Variants in KLHL1 observed in about 807,000 individuals in gnomAD.
The protein encoded by KLHL1 is kelch-like protein 1.
Under a neutral mutation model 77.7 loss-of-function variants are expected in KLHL1, and 47 were observed. That is an observed-to-expected ratio of 0.60 (90% CI 0.48 to 0.77). The LOEUF is 0.77. Ranked by LOEUF, KLHL1 falls within the 30% of genes least tolerant of loss-of-function variation. KLHL1 has a pLI of 0.00. For missense variants in KLHL1, 925 were observed against 910.8 expected (o/e 1.02, Z -0.20); for synonymous variants, 360 against 325.2 (o/e 1.11, Z -1.15).
intron 4 of KLHL1, among the ~76,000 whole-genome samples, chr13:69,901,567 G>A (rs1367616760): frequency 6.6e-6 from 1 of 152,106 alleles, no homozygotes; most frequent in Non-Finnish European, 1.5e-5. Context: ...AATGGGTTTA[G>A]GGACAAGAGT....
chr13:69,914,374 A>G (rs942123251), intron 4 of KLHL1, among the ~76,000 whole-genome samples: 2 of 152,158 alleles, frequency 1.3e-5, no homozygotes, highest in Non-Finnish European at 2.9e-5. Context: ...AGTGATTTCC[A>G]TGGATCCATT....
chr13:69,722,478 A>G (rs1873110372), intron 8 of KLHL1, among the ~76,000 whole-genome samples: 2 of 151,980 alleles, frequency 1.3e-5, no homozygotes, highest in Admixed American at 6.6e-5. Flanking sequence ...GTCTGTTCAG[A>G]TTTTGGATAT....
intron 1 of KLHL1, among the ~76,000 whole-genome samples, chr13:70,051,867 T>C (rs545217331): frequency 1.4e-3 from 212 of 152,124 alleles, no homozygotes; most frequent in Non-Finnish European, 2.3e-3. Flanking sequence ...TTTGTTTTGT[T>C]GTGGACTACA....
chr13:69,743,045 C>CACCA (rs931027850), intron 7 of KLHL1, among the ~76,000 whole-genome samples: 1 of 152,108 alleles, frequency 6.6e-6, no homozygotes, highest in Non-Finnish European at 1.5e-5. Context: ...TTTTACTGAG[C>CACCA]ACCAATTAGA....
chr13:70,055,580 A>G (rs1368277122), intron 1 of KLHL1, among the ~76,000 whole-genome samples: 2 of 152,152 alleles, frequency 1.3e-5, no homozygotes, highest in Non-Finnish European at 2.9e-5. Flanking sequence ...GTAAAAGACA[A>G]ACCTATAAAA....
chr13:69,784,801 C>T (rs1340411016), intron 7 of KLHL1, among the ~76,000 whole-genome samples: 1 of 151,192 alleles, frequency 6.6e-6, no homozygotes, highest in Admixed American at 6.6e-5. Flanking sequence ...ACAAGGATAC[C>T]CAGGAATTGA....
chr13:69,895,642 G>A (rs1240360950), intron 4 of KLHL1, among the ~76,000 whole-genome samples: 1 of 151,768 alleles, frequency 6.6e-6, no homozygotes. Flanking sequence ...TTCGCCAAGT[G>A]AAAATCAAGA....
In KLHL1 at chr13:69,781,359, T is replaced by A. The variant is rs796282851; in HGVS notation, c.1639+15379A>T. Among the ~76,000 whole-genome samples the A allele has an allele frequency of 6.0e-5, 9 of 149,556 alleles. No individual in the cohort carries two copies. The East Asian group carries it at 1.8e-3, about 29-fold the overall frequency. On this transcript the variant is annotated intron_variant, in intron 7 of 10. Coordinates refer to ENST00000377844, the MANE Select transcript of KLHL1 (RefSeq NM_020866.3). ...TTTGAGGTTCATGTTCTTGCTAAGA[T>A]TGGCAGAACCCACAATGCATGAAAA... is the stretch of plus-strand genomic sequence containing the variant.
chr13:69,884,136 T>C (rs1308468753), intron 4 of KLHL1, among the ~76,000 whole-genome samples: 1 of 152,222 alleles, frequency 6.6e-6, no homozygotes, highest in East Asian at 1.9e-4. Context: ...TGTTACAGTA[T>C]GTCCTTGGAA....
chr13:69,980,894 A>G (rs1247985167), intron 1 of KLHL1, among the ~76,000 whole-genome samples: 5 of 152,156 alleles, frequency 3.3e-5, no homozygotes, highest in Non-Finnish European at 5.9e-5. Context: ...AATATATTCT[A>G]TGACAAGATG....
intron 1 of KLHL1, among the ~76,000 whole-genome samples, chr13:70,003,232 C>T (rs1364806627): frequency 1.3e-5 from 2 of 151,618 alleles, no homozygotes; most frequent in Non-Finnish European, 3.0e-5. Context: ...AAATCATATT[C>T]AAGCTTTTCC....
At chr13:69,952,671 G>A (rs1308215835) in intron 3 of KLHL1, among the ~76,000 whole-genome samples, 1 of 151,378 alleles carries the variant, frequency 6.6e-6, no homozygotes, top group Admixed American at 6.6e-5. Context: ...CAGCTAACAT[G>A]TGTTTTCCTG....
chr13:70,032,778 T>C (rs1886135639), intron 1 of KLHL1, among the ~76,000 whole-genome samples: 1 of 152,200 alleles, frequency 6.6e-6, no homozygotes, highest in Non-Finnish European at 1.5e-5. Flanking sequence ...CTGAATTCCA[T>C]GCAAAATCAT....
At chr13:69,872,824 AACTC>A (rs772932937) in intron 5 of KLHL1, among the ~76,000 whole-genome samples, 2 of 152,094 alleles carry the variant, frequency 1.3e-5, no homozygotes, top group South Asian at 2.1e-4. Context: ...ATAGAGTGGG[AACTC>A]ACTCATTACC....
At chr13:69,968,354 T>A (rs1278353880) in intron 2 of KLHL1, among the ~76,000 whole-genome samples, 1 of 149,750 alleles carries the variant, frequency 6.7e-6, no homozygotes, top group Non-Finnish European at 1.5e-5. Context: ...GAAACAAATA[T>A]AAACAAATAT....
chr13:69,916,730 T>TA (rs1251172891), intron 4 of KLHL1, among the ~76,000 whole-genome samples: 1 of 150,940 alleles, frequency 6.6e-6, no homozygotes, highest in Non-Finnish European at 1.5e-5. Flanking sequence ...CCCTAAAACT[T>TA]AAAGTATAAT....
intron 3 of KLHL1, among the ~76,000 whole-genome samples, chr13:69,949,768 A>G (rs1029858213): frequency 4.6e-5 from 7 of 151,778 alleles, no homozygotes; most frequent in African/African-American, 1.7e-4. Context: ...AAATGTTTCA[A>G]AAAAGGAAGG....
At chr13:69,915,381 G>T (rs1028947394) in intron 4 of KLHL1, among the ~76,000 whole-genome samples, 33 of 152,272 alleles carry the variant, frequency 2.2e-4, no homozygotes, top group Admixed American at 2.0e-4. Context: ...CAGGGTACTG[G>T]TACCAAAACA....
At chr13:69,844,758 T>C (rs375238256) in intron 5 of KLHL1, among the ~76,000 whole-genome samples, 1 of 151,542 alleles carries the variant, frequency 6.6e-6, no homozygotes, top group Admixed American at 6.6e-5. Context: ...GTTTTTCTTC[T>C]GGGTTTTTTA....
Sources: allele counts gnomAD v4.1 joint callset (sites outside exome capture counted in the v4.1 genomes callset), GRCh38; gene constraint gnomAD v4.1.1; transcripts MANE v1.5; gene names NCBI Gene and HGNC (gene_info 2026-07-23, HGNC 2026-07-21).